The following GPC6 variants were observed in gnomAD, a reference collection of about 807,000 sequenced individuals.
The protein encoded by GPC6 is glypican 6.
GPC6 carries 14 observed loss-of-function variants against 55.2 expected under a neutral mutation model. The ratio of observed to expected loss-of-function variants is 0.25; its 90% CI spans 0.17 to 0.40. The LOEUF (loss-of-function observed/expected upper bound fraction) is 0.40. Among genes scored for constraint, GPC6 ranks in the 10% least tolerant of loss-of-function variants. The pLI, the probability that GPC6 is intolerant of heterozygous loss-of-function variation, is 1.00. For synonymous variants in GPC6, 278 were observed against 259.6 expected (o/e 1.07, Z -0.68); for missense variants, 641 against 708.5 (o/e 0.90, Z 1.08).
chr13:93,453,784 G>C (rs993084912), intron 1 of GPC6, among the ~76,000 whole-genome samples: 38 of 152,094 alleles, frequency 2.5e-4, no homozygotes, highest in African/African-American at 8.7e-4. Context: ...CCTTCGCGGT[G>C]ATTGTTACAG....
intron 2 of GPC6, among the ~76,000 whole-genome samples, chr13:93,571,775 A>G (rs1876418721): frequency 6.6e-6 from 1 of 152,050 alleles, no homozygotes; most frequent in African/African-American, 2.4e-5. Flanking sequence ...TTATATAGGT[A>G]TTTTCTTCAT....
At chr13:93,503,635 C>T (rs542539203) in intron 1 of GPC6, among the ~76,000 whole-genome samples, 5 of 152,114 alleles carry the variant, frequency 3.3e-5, no homozygotes, top group South Asian at 2.1e-4. Context: ...GTGTGTATAT[C>T]GGAATCTACT....
At position 94,063,005 on chromosome 13, in the gene GPC6, C is replaced by T. The variant is rs367550014; in HGVS notation, c.877+35111C>T. Among the ~76,000 whole-genome samples, 6 of 152,272 alleles carry T rather than the reference C, an allele frequency of 3.9e-5. No individual in the cohort carries two copies. In the East Asian group the frequency reaches 9.6e-4, roughly 24 times the overall value. On this transcript the variant is annotated intron_variant, in intron 4 of 8. Coordinates refer to ENST00000377047, the MANE Select transcript of GPC6 (RefSeq NM_005708.5). ...TTCTTCCAGCCGCTAGGCACGGGGT[C>T]AGGTGTCATTCTCCTGGGCGTTGGG...
At chr13:94,167,296 G>A (rs1888401206) in intron 4 of GPC6, among the ~76,000 whole-genome samples, 1 of 152,160 alleles carries the variant, frequency 6.6e-6, no homozygotes, top group Non-Finnish European at 1.5e-5. Flanking sequence ...GTTAAGGGGT[G>A]AACAGAGAGA....
At position 93,649,840 on chromosome 13, in the gene GPC6, A is replaced by G. The variant is rs530219677; in HGVS notation, c.319+104419A>G. 1.3e-3 allele frequency among the ~76,000 whole-genome samples: 196 copies of G among 152,314 alleles called. 1 individual carries two copies. The highest frequency in any genetic ancestry group is 4.4e-3 in the African/African-American group (183 of 41,574). The stretch of plus-strand genomic sequence containing the variant: ...GGGAAGCAACTCCTGTCATGTGGCT[A>G]AAACACAATATTTTAAATATCCAAG... On this transcript the variant is annotated intron_variant, in intron 2 of 8. Transcript: ENST00000377047.
At chr13:93,997,581 ATGTGTG>A (rs146601294) in intron 3 of GPC6, among the ~76,000 whole-genome samples, 138 of 148,922 alleles carry the variant, frequency 9.3e-4, no homozygotes, top group Non-Finnish European at 1.5e-3. Context: ...AAGACATAAT[ATGTGTG>A]TGTGTGTGTG....
intron 3 of GPC6, among the ~76,000 whole-genome samples, chr13:93,904,678 C>A (rs1006313569): frequency 1.3e-5 from 2 of 152,102 alleles, no homozygotes; most frequent in African/African-American, 4.8e-5. Flanking sequence ...TGAGGCTGCA[C>A]TGAGCCATGA....
intron 2 of GPC6, among the ~76,000 whole-genome samples, chr13:93,820,786 G>C (rs1357748574): frequency 1.3e-5 from 2 of 151,734 alleles, no homozygotes; most frequent in Non-Finnish European, 2.9e-5. Flanking sequence ...AAAAATTTAG[G>C]AGTGTCTCAC....
chr13:93,281,958 C>T (rs1877965400), intron 1 of GPC6, among the ~76,000 whole-genome samples: 1 of 152,154 alleles, frequency 6.6e-6, no homozygotes, highest in African/African-American at 2.4e-5. Context: ...TTTCTTGACG[C>T]TGATGGAAAG....
chr13:94,323,188 C>T (rs1876930200), intron 6 of GPC6, among the ~76,000 whole-genome samples: 1 of 152,122 alleles, frequency 6.6e-6, no homozygotes, highest in Non-Finnish European at 1.5e-5. Context: ...CCCAGCCCAC[C>T]AGATGCACAG....
chr13:93,915,406 A>T (rs1393329859), intron 3 of GPC6, among the ~76,000 whole-genome samples: 4 of 152,200 alleles, frequency 2.6e-5, no homozygotes, highest in Non-Finnish European at 5.9e-5. Flanking sequence ...TGTACACGTC[A>T]GCATTTATCA....
At chr13:94,328,286 C>G (rs1330740131) in intron 6 of GPC6, among the ~76,000 whole-genome samples, 1 of 152,232 alleles carries the variant, frequency 6.6e-6, no homozygotes, top group Non-Finnish European at 1.5e-5. Context: ...TGGACTGCTA[C>G]TGCTTTGAGA....
chr13:93,339,877 A>G (rs767404798), intron 1 of GPC6, among the ~76,000 whole-genome samples: 8 of 152,154 alleles, frequency 5.3e-5, no homozygotes, highest in Non-Finnish European at 8.8e-5. Flanking sequence ...ATTAATCTAA[A>G]TGGATAAATG....
chr13:93,397,909 G>A (rs751763695), intron 1 of GPC6, among the ~76,000 whole-genome samples: 16 of 152,158 alleles, frequency 1.1e-4, no homozygotes, highest in Admixed American at 5.2e-4. Context: ...CAAACTGGCA[G>A]CATTCCTAAC....
chr13:93,759,128 G>A (rs1300424376), intron 2 of GPC6, among the ~76,000 whole-genome samples: 3 of 152,122 alleles, frequency 2.0e-5, no homozygotes, highest in Admixed American at 6.6e-5. Flanking sequence ...CTCCCAGAGA[G>A]GCAATGTCAT....
intron 3 of GPC6, among the ~76,000 whole-genome samples, chr13:94,010,103 G>C (rs1210533239): frequency 6.6e-6 from 1 of 152,100 alleles, no homozygotes; most frequent in South Asian, 2.1e-4. Context: ...AATAATCGAT[G>C]CTTATTATGA....
intron 1 of GPC6, among the ~76,000 whole-genome samples, chr13:93,351,249 A>G (rs1331725482): frequency 6.6e-6 from 1 of 152,182 alleles, no homozygotes; most frequent in Non-Finnish European, 1.5e-5. Flanking sequence ...TTGCAGTTAA[A>G]CAAACTAAGC....
chr13:93,671,722 G>A (rs778953824), intron 2 of GPC6, among the ~76,000 whole-genome samples: 10 of 151,992 alleles, frequency 6.6e-5, no homozygotes, highest in Non-Finnish European at 1.5e-4. Flanking sequence ...CTGTCATCCT[G>A]CTAACTTGCA....
intron 1 of GPC6, among the ~76,000 whole-genome samples, chr13:93,449,042 C>T (rs1192270830): frequency 1.3e-5 from 2 of 152,198 alleles, no homozygotes; most frequent in Admixed American, 6.5e-5. Flanking sequence ...TGTGTAAAGG[C>T]ACAAGACATT....
Sources: allele counts gnomAD v4.1 joint callset (sites outside exome capture counted in the v4.1 genomes callset), GRCh38; gene constraint gnomAD v4.1.1; transcripts MANE v1.5; gene names NCBI Gene and HGNC (gene_info 2026-07-23, HGNC 2026-07-21).